Variants in HDAC9 observed in about 807,000 individuals in gnomAD.
HDAC9 encodes histone deacetylase 9, also known as MEF-2 interacting transcription repressor (MITR) protein.
A neutral mutation model predicts 139.4 loss-of-function variants in HDAC9; 41 were observed. That is an observed-to-expected ratio of 0.29 (90% CI 0.23 to 0.38). The LOEUF is 0.38. Among genes scored for constraint, HDAC9 ranks in the 10% least tolerant of loss-of-function variants. HDAC9 has a pLI of 1.00. For synonymous variants in HDAC9, 517 were observed against 476.2 expected, an observed-to-expected ratio of 1.09 and a Z score of -1.12; for missense variants, 1,147 against 1,297.0, an observed-to-expected ratio of 0.88 and a Z score of 1.78.
chr7:18,325,271 AT>A (rs1438386747), intron 1 of HDAC9, among the ~76,000 whole-genome samples: 3 of 152,120 alleles, frequency 2.0e-5, no homozygotes, highest in Admixed American at 6.6e-5. Context: ...AGAAAACCCT[AT>A]TTTTTAAATA....
chr7:18,711,905 T>A (rs1323726436), intron 12 of HDAC9, among the ~76,000 whole-genome samples: 1 of 151,086 alleles, frequency 6.6e-6, no homozygotes, highest in African/African-American at 2.4e-5. Context: ...TCTTTTCCCA[T>A]CTCTTCTCTC....
At chr7:18,253,114 A>G (rs1222114559) in intron 2 of HDAC9, among the ~76,000 whole-genome samples, 1 of 152,210 alleles carries the variant, frequency 6.6e-6, no homozygotes, top group Non-Finnish European at 1.5e-5. Context: ...ATAGTATTCC[A>G]TGGTATATAT....
chr7:18,249,502 CAAAA>C (rs3058733), intron 2 of HDAC9, among the ~76,000 whole-genome samples: 65 of 58,578 alleles, frequency 1.1e-3, no homozygotes, highest in South Asian at 5.2e-3. Flanking sequence ...GACTCTGTCT[CAAAA>C]AAAAAAAAAA....
At chr7:18,147,495 T>C (rs956829714) in intron 1 of HDAC9, among the ~76,000 whole-genome samples, 3 of 152,146 alleles carry the variant, frequency 2.0e-5, no homozygotes, top group Admixed American at 6.5e-5. Context: ...GGTGGACACA[T>C]GGAAAATACA....
chr7:18,749,190 G>T (rs994838020), intron 14 of HDAC9, 52 bp downstream of exon 14: 16 of 1,575,214 alleles, frequency 1.0e-5, no homozygotes, highest in Non-Finnish European at 1.2e-5. Context: ...ATCATGTAAA[G>T]AGGCCAGTAT....
intron 17 of HDAC9, among the ~76,000 whole-genome samples, chr7:18,814,878 G>T (rs1794448143): frequency 6.6e-6 from 1 of 152,092 alleles, no homozygotes; most frequent in Non-Finnish European, 1.5e-5. Flanking sequence ...TTTGATAATA[G>T]TTATACAATG....
intron 2 of HDAC9, among the ~76,000 whole-genome samples, chr7:18,275,941 C>G (rs190055869): frequency 2.0e-5 from 3 of 152,232 alleles, no homozygotes; most frequent in African/African-American, 7.2e-5. Context: ...GGATTTTTGT[C>G]TGTCTTATCC....
intron 17 of HDAC9, among the ~76,000 whole-genome samples, chr7:18,818,088 G>A (rs1794702844): frequency 6.6e-6 from 1 of 152,122 alleles, no homozygotes; most frequent in Non-Finnish European, 1.5e-5. Flanking sequence ...CAAATGTATT[G>A]GAAGTAGTAA....
At chr7:18,810,238 A>C (rs1439769805) in intron 17 of HDAC9, among the ~76,000 whole-genome samples, 2 of 151,916 alleles carry the variant, frequency 1.3e-5, no homozygotes, top group Admixed American at 1.3e-4. Context: ...AAAACAAAGA[A>C]AGAAAGGAAA....
At chr7:18,853,192 T>C (rs1797430804) in intron 21 of HDAC9, among the ~76,000 whole-genome samples, 1 of 152,102 alleles carries the variant, frequency 6.6e-6, no homozygotes, top group African/African-American at 2.4e-5. Context: ...GTTAATGAAA[T>C]GAAACAGAAA....
Position 18,793,436 on chromosome 7 carries a change from C to G in HDAC9, c.2306C>G (p.Ala769Gly). 6.3e-7 allele frequency: 1 copy of G among 1,577,888 alleles called. No individual in the cohort carries two copies. Among genetic ancestry groups the G allele is most frequent in the Admixed American group, 1.8e-5 (1 of 54,650 alleles). Reference sequence around the variant, plus strand: ...GTCATCGAGCTGGCTTCCAAAGTGGCCTCAGGAGAGCTGAAGGTGAGGTCC... The same window carrying G: ...GTCATCGAGCTGGCTTCCAAAGTGGGCTCAGGAGAGCTGAAGGTGAGGTCC... ...GCVIELASKV[A>G]SGELKNGFAV... Residue 769 changes from alanine to glycine, a missense_variant, in exon 17 of 26, where the codon GCC (alanine) becomes GGC (glycine). Ala to Gly is a moderately conservative substitution (Grantham distance 60, BLOSUM62 0). Around this residue, in one of 7 missense-constraint regions of HDAC9, gnomAD observed 407 missense variants for 521.5 expected, o/e 0.78. Coordinates refer to ENST00000686413, the MANE Select transcript of HDAC9 (RefSeq NM_178425.4).
intron 1 of HDAC9, among the ~76,000 whole-genome samples, chr7:18,117,838 A>G (rs1784105704): frequency 6.6e-6 from 1 of 152,208 alleles, no homozygotes; most frequent in Non-Finnish European, 1.5e-5. Context: ...GGAATTCAGA[A>G]GTTGAGAATG....
intron 21 of HDAC9, among the ~76,000 whole-genome samples, chr7:18,842,403 G>C (rs1344009389): frequency 6.6e-6 from 1 of 151,980 alleles, no homozygotes; most frequent in African/African-American, 2.4e-5. Context: ...GAAGATGTGG[G>C]CTTCAATCTG....
intron 21 of HDAC9, among the ~76,000 whole-genome samples, chr7:18,847,938 T>C (rs960794395): frequency 6.6e-6 from 1 of 152,240 alleles, no homozygotes; most frequent in African/African-American, 2.4e-5. Flanking sequence ...TCTATCAGAC[T>C]TAACTCGTTA....
chr7:18,887,246 G>A (rs146551457), intron 22 of HDAC9, among the ~76,000 whole-genome samples: 9 of 152,214 alleles, frequency 5.9e-5, no homozygotes, highest in East Asian at 1.9e-4. Context: ...GCTGGGTTCC[G>A]CTTCCAGAAT....
chr7:18,210,186 G>C (rs1791838011), intron 2 of HDAC9, among the ~76,000 whole-genome samples: 1 of 152,178 alleles, frequency 6.6e-6, no homozygotes, highest in African/African-American at 2.4e-5. Context: ...GTATAATCCA[G>C]ATATTCTGTG....
chr7:18,919,943 T>C (rs1032106936), intron 22 of HDAC9, among the ~76,000 whole-genome samples: 4 of 152,150 alleles, frequency 2.6e-5, no homozygotes, highest in African/African-American at 7.2e-5. Context: ...TGCCTCCAGC[T>C]TTGTTCTTTT....
At chr7:18,706,946 G>C (rs568907304) in intron 12 of HDAC9, among the ~76,000 whole-genome samples, 2 of 152,294 alleles carry the variant, frequency 1.3e-5, no homozygotes, top group East Asian at 1.9e-4. Context: ...AGACAGAGAA[G>C]GCTCCCCAGA....
intron 22 of HDAC9, among the ~76,000 whole-genome samples, chr7:18,932,602 G>A (rs1421523749): frequency 2.0e-5 from 3 of 151,944 alleles, no homozygotes; most frequent in African/African-American, 7.3e-5. Flanking sequence ...GCCTAAGAAG[G>A]GGAGGGAATT....
Sources: gnomAD v4.1 joint callset for allele counts (sites outside exome capture counted in the v4.1 genomes callset) on GRCh38, gnomAD v4.1.1 for gene constraint, gnomAD v4.1.1 regional missense constraint, MANE v1.5 for transcripts, NCBI Gene and HGNC (gene_info 2026-07-23, HGNC 2026-07-21) for gene names.